Variants in PCSK5 observed in about 807,000 individuals in gnomAD.
PCSK5 encodes the protein proprotein convertase subtilisin/kexin type 5, also known as prohormone convertase 5.
Under a neutral mutation model 233.2 loss-of-function variants are expected in PCSK5, and 129 were observed. The ratio of observed to expected loss-of-function variants is 0.55; its 90% CI spans 0.48 to 0.64. The LOEUF (loss-of-function observed/expected upper bound fraction) is 0.64. PCSK5 is among the 30% of genes least tolerant of loss of function. The pLI is 0.00. For missense variants in PCSK5, 2,076 were observed against 2,430.1 expected, an observed-to-expected ratio of 0.85 and a Z score of 3.06; for synonymous variants, 825 against 879.2, an observed-to-expected ratio of 0.94 and a Z score of 1.09.
In PCSK5 at chr9:76,310,725, G is replaced by A. The variant is rs761908850; in HGVS notation, c.3758G>A (p.Gly1253Glu). ...GGCACATGGCCTTCCGTAAGGAGTG[G>A]GAGCTGCGAGAACTGTACGGAGGCC... is the stretch of plus-strand genomic sequence containing the variant. Reference protein sequence around the residue: ...PQGTWPSVRSGSCENCTEACA... With the variant: ...PQGTWPSVRSESCENCTEACA... Residue 1253 changes from glycine (G) to glutamate (E), a missense_variant, in exon 30 of 38, where the codon GGG (glycine) becomes GAG (glutamate). By Grantham distance (98) the Gly-to-Glu change is moderately conservative. This residue lies in a region of PCSK5 where 1,510 missense variants were observed against 1,538.1 expected (regional missense o/e 0.98). Coordinates refer to ENST00000674117, the MANE Select transcript of PCSK5 (RefSeq NM_001372043.1). 7 of 1,611,962 alleles carry A rather than the reference G, an allele frequency of 4.3e-6. No individual in the cohort carries two copies. In the African/African-American group the frequency reaches 8.0e-5, roughly 18 times the overall value.
At chr9:76,190,074 C>T (rs1824296027) in intron 20 of PCSK5, among the ~76,000 whole-genome samples, 1 of 152,028 alleles carries the variant, frequency 6.6e-6, no homozygotes. Flanking sequence ...CCCGTTTTCC[C>T]CACACAGGCA....
chr9:76,236,839 C>A (rs2131324046), intron 22 of PCSK5, among the ~76,000 whole-genome samples: 2 of 152,268 alleles, frequency 1.3e-5, no homozygotes, highest in Admixed American at 1.3e-4. Flanking sequence ...GATTGAAGAA[C>A]ACTTCCTTCT....
Position 76,227,505 on chromosome 9 carries a change from G to A in PCSK5, c.2629G>A (p.Glu877Lys). The A allele has an allele frequency of 1.2e-6, 2 of 1,607,642 alleles. No individual in the cohort carries two copies. Among genetic ancestry groups the A allele is most frequent in the Non-Finnish European group, 1.7e-6 (2 of 1,175,990 alleles). The change falls in exon 21 of 38, where the codon GAA (glutamate) becomes AAA (lysine). Residue 877 changes from glutamate (E) to lysine (K), a missense_variant and splice_region_variant. Around this residue, in one of 6 missense-constraint regions of PCSK5, gnomAD observed 1,510 missense variants for 1,538.1 expected, o/e 0.98. Coordinates refer to ENST00000674117, the MANE Select transcript of PCSK5 (RefSeq NM_001372043.1). ...AACAACTAGATTTTGTTCCCCAGGA[G>A]AATATGTTGATGAGCATGGCCACTG... ...CQMGAICKDG[E>K]YVDEHGHCQT...
intron 10 of PCSK5, among the ~76,000 whole-genome samples, chr9:76,153,209 C>T (rs1277245227): frequency 2.0e-5 from 3 of 152,182 alleles, no homozygotes; most frequent in Middle Eastern, 3.2e-3. Flanking sequence ...GCCTGTCCTA[C>T]CTCACTCCAC....
At chr9:76,173,937 G>A (rs889539065) in intron 13 of PCSK5, among the ~76,000 whole-genome samples, 1 of 152,014 alleles carries the variant, frequency 6.6e-6, no homozygotes, top group Non-Finnish European at 1.5e-5. Context: ...TCATGCCATT[G>A]CACTCCAGCC....
At chr9:76,100,011 C>T (rs1831691356) in intron 8 of PCSK5, among the ~76,000 whole-genome samples, 1 of 152,172 alleles carries the variant, frequency 6.6e-6, no homozygotes, top group African/African-American at 2.4e-5. Flanking sequence ...TTGTTCTGGA[C>T]AAAATGACTT....
chr9:76,169,529 T>TTA (rs1210833803), intron 12 of PCSK5, among the ~76,000 whole-genome samples, 175 bp from the exon 13 acceptor site: 17 of 152,014 alleles, frequency 1.1e-4, no homozygotes, highest in African/African-American at 2.9e-4. Context: ...AAACAATGAT[T>TTA]TATATATATA....
At chr9:76,161,845 C>T (rs570103852) in intron 12 of PCSK5, among the ~76,000 whole-genome samples, 1 of 152,272 alleles carries the variant, frequency 6.6e-6, no homozygotes, top group Admixed American at 6.5e-5. Context: ...TGACTTGTGT[C>T]GGAGAAAAGA....
intron 20 of PCSK5, among the ~76,000 whole-genome samples, chr9:76,211,276 A>C (rs1273803576): frequency 1.3e-5 from 2 of 152,218 alleles, no homozygotes; most frequent in Non-Finnish European, 2.9e-5. Flanking sequence ...GTCCTTTGCT[A>C]AGCTAGAGAT....
intron 17 of PCSK5, among the ~76,000 whole-genome samples, chr9:76,186,955 C>T (rs1007565572): frequency 4.6e-4 from 70 of 152,196 alleles, no homozygotes; most frequent in African/African-American, 1.7e-3. Context: ...TAAGGGCTTC[C>T]AGGGTTGACC....
At chr9:76,200,729 G>A (rs1248125220) in intron 20 of PCSK5, among the ~76,000 whole-genome samples, 2 of 152,278 alleles carry the variant, frequency 1.3e-5, no homozygotes, top group Non-Finnish European at 2.9e-5. Flanking sequence ...CCATTGAAAG[G>A]GTCCTGTGGA....
At position 76,238,989 on chromosome 9, in the gene PCSK5, A is replaced by T. The variant is rs774774313; in HGVS notation, c.2897A>T (p.Gln966Leu). The change falls in exon 23 of 38, where the codon CAG (glutamine) becomes CTG (leucine). Residue 966 changes from glutamine (Q) to leucine (L), a missense_variant. This residue lies in a region of PCSK5 where 1,510 missense variants were observed against 1,538.1 expected (regional missense o/e 0.98). Transcript: ENST00000674117. Reference protein sequence around the residue: ...DNYGREHFLYQGECGDSCPEG... With the variant: ...DNYGREHFLYLGECGDSCPEG... The stretch of plus-strand genomic sequence containing the variant: ...TATGGCCGAGAGCACTTCCTGTACC[A>T]GGGAGAGTGTGGAGATAGCTGCCCA... 3 of 1,612,338 alleles carry T rather than the reference A, an allele frequency of 1.9e-6. No individual in the cohort carries two copies. The highest frequency in any genetic ancestry group is 2.2e-5 in the South Asian group (2 of 90,852).
intron 3 of PCSK5, among the ~76,000 whole-genome samples, chr9:76,014,458 GA>G (rs1827861537): frequency 6.6e-6 from 1 of 152,170 alleles, no homozygotes; most frequent in Admixed American, 6.5e-5. Context: ...TGGCAAAACT[GA>G]ATTTCTTCTC....
chr9:75,919,137 C>A (rs1330645926), intron 1 of PCSK5, among the ~76,000 whole-genome samples: 1 of 152,212 alleles, frequency 6.6e-6, no homozygotes, highest in Non-Finnish European at 1.5e-5. Context: ...TCACCTCTCA[C>A]CTCTCACCCT....
intron 1 of PCSK5, among the ~76,000 whole-genome samples, chr9:75,919,937 G>A (rs906582889): frequency 6.6e-6 from 1 of 152,194 alleles, no homozygotes; most frequent in African/African-American, 2.4e-5. Flanking sequence ...GGAAGCCGAG[G>A]TGGGTGGATC....
chr9:75,971,991 T>C (rs1188001348), intron 2 of PCSK5, among the ~76,000 whole-genome samples: 1 of 152,216 alleles, frequency 6.6e-6, no homozygotes, highest in African/African-American at 2.4e-5. Context: ...CATCATGAAA[T>C]CTTTGCCCAT....
At chr9:76,125,871 A>G (rs1453234844) in intron 9 of PCSK5, among the ~76,000 whole-genome samples, 1 of 152,158 alleles carries the variant, frequency 6.6e-6, no homozygotes, top group East Asian at 1.9e-4. Flanking sequence ...CCACATTCCA[A>G]ATAAAAGGAG....
At chr9:76,100,431 A>T (rs1333121980) in intron 8 of PCSK5, among the ~76,000 whole-genome samples, 4 of 152,230 alleles carry the variant, frequency 2.6e-5, no homozygotes, top group Non-Finnish European at 5.9e-5. Context: ...ATCTCATTGT[A>T]TTCTTGGGAA....
At chr9:76,122,942 A>C (rs1343264674) in intron 9 of PCSK5, among the ~76,000 whole-genome samples, 1 of 146,034 alleles carries the variant, frequency 6.8e-6, no homozygotes, top group African/African-American at 2.6e-5. Context: ...GGTTCAAGCT[A>C]TTCTCCTGTC....
Sources: gnomAD v4.1 joint callset for allele counts (sites outside exome capture counted in the v4.1 genomes callset) on GRCh38, gnomAD v4.1.1 for gene constraint, gnomAD v4.1.1 regional missense constraint, MANE v1.5 for transcripts, NCBI Gene and HGNC (gene_info 2026-07-23, HGNC 2026-07-21) for gene names.